The following CREB1 variants were observed in gnomAD, a reference collection of about 807,000 sequenced individuals.
CREB1 encodes cyclic AMP-responsive element-binding protein 1.
CREB1 carries 2 observed loss-of-function variants against 42.0 expected under a neutral mutation model. That is an observed-to-expected ratio of 0.05 (90% confidence interval 0.02 to 0.15). The LOEUF is 0.15. Ranked by LOEUF, CREB1 falls within the 10% of genes least tolerant of loss-of-function variation. The probability of loss-of-function intolerance (pLI) is 1.00; values close to 1 mark genes in which losing one functional copy is unlikely to be tolerated. For missense variants in CREB1, 199 were observed against 388.9 expected (o/e 0.51, Z 4.11); for synonymous variants, 123 against 139.9 (o/e 0.88, Z 0.85).
chr2:207,575,721 G>A (rs2082545239), intron 6 of CREB1, among the ~76,000 whole-genome samples: 1 of 152,076 alleles, frequency 6.6e-6, no homozygotes, highest in African/African-American at 2.4e-5. Context: ...AGGTTAGAAG[G>A]AAAGACCAGG....
rs549641664 is a variant in CREB1, at chr2:207,545,569, A to G, written c.-8-10059A>G. Among the ~76,000 whole-genome samples, 13 of 152,200 alleles carry G rather than the reference A, an allele frequency of 8.5e-5. No individual in the cohort carries two copies. In the East Asian group the frequency reaches 2.3e-3, roughly 27 times the overall value. On this transcript the variant is annotated intron_variant, in intron 1 of 7. Transcript: ENST00000353267. Reference sequence around the variant, plus strand: ...AGTCCCATAGTATGGGACTACTACTATGTAGTAATTTTCAGTTCTGCTGAA... The same window carrying G: ...AGTCCCATAGTATGGGACTACTACTGTGTAGTAATTTTCAGTTCTGCTGAA...
intron 7 of CREB1, among the ~76,000 whole-genome samples, chr2:207,580,429 T>A (rs2551925): frequency 0.97 from 147,235 of 152,238 alleles, 71,404 homozygotes; most frequent in East Asian, 1. Flanking sequence ...AAAATAAGAG[T>A]TTTAAAAGAA....
chr2:207,540,889 T>C (rs2081075298), intron 1 of CREB1, among the ~76,000 whole-genome samples: 1 of 152,160 alleles, frequency 6.6e-6, no homozygotes, highest in Non-Finnish European at 1.5e-5. Flanking sequence ...CTACGGTTAA[T>C]GTATTACTGA....
chr2:207,530,869 C>G (rs1464681301), intron 1 of CREB1, among the ~76,000 whole-genome samples: 1 of 151,236 alleles, frequency 6.6e-6, no homozygotes, highest in Non-Finnish European at 1.5e-5. Flanking sequence ...CCCCCCCGCT[C>G]CTACACCGTT....
Position 207,567,595 on chromosome 2 carries a change from T to G in CREB1, c.362+32T>G, listed in dbSNP as rs1424345022. 3 of 1,496,062 alleles carry G rather than the reference T, an allele frequency of 2.0e-6. No individual in the cohort carries two copies. In the African/African-American group the frequency reaches 4.1e-5, roughly 21 times the overall value. The allele number at this position is 1,496,062 out of a possible 1,614,324, so 92.7% of individuals were successfully genotyped here. A position where few individuals can be genotyped will look rare whatever the true frequency, so the allele number is the denominator to read the frequency against. ...AATTTAATAGTTAGAATCAAAGATG[T>G]GGAGGAAGTCTTAGGTAGTTGCAGA... is the stretch of plus-strand genomic sequence containing the variant. On this transcript the variant is annotated intron_variant, in intron 4 of 7. Transcript: ENST00000353267.
rs1040408677 is a variant in CREB1, at chr2:207,602,440, T to C, written c.*5382T>C. 7 of 199,814 alleles carry C rather than the reference T, an allele frequency of 3.5e-5. 1 individual carries two copies. Among genetic ancestry groups the C allele is most frequent in the African/African-American group, 1.6e-4 (7 of 43,418 alleles). 12.4% of individuals were successfully genotyped at this position (199,814 alleles called of 1,614,324 possible). On this transcript the variant is annotated 3_prime_UTR_variant, in exon 8 of 8. Transcript: ENST00000353267. ...GAAAATGAACAATCTTTTGGAATTG[T>C]CTTTGAAAAGGATCAAAGAGTAGGA...
intron 1 of CREB1, among the ~76,000 whole-genome samples, chr2:207,539,480 A>G (rs1337173110): frequency 6.6e-6 from 1 of 152,120 alleles, no homozygotes; most frequent in Admixed American, 6.5e-5. Flanking sequence ...AGATTTATTG[A>G]CCATTGACTT....
chr2:207,535,964 G>C (rs533088807), intron 1 of CREB1, among the ~76,000 whole-genome samples: 1 of 151,870 alleles, frequency 6.6e-6, no homozygotes, highest in African/African-American at 2.4e-5. Context: ...GGGACAACAG[G>C]CGCGCACCAC....
At chr2:207,553,699 T>C (rs2081606114) in intron 1 of CREB1, among the ~76,000 whole-genome samples, 1 of 152,254 alleles carries the variant, frequency 6.6e-6, no homozygotes, top group Non-Finnish European at 1.5e-5. Flanking sequence ...TATTAAAATT[T>C]GTTTTAATTA....
chr2:207,542,255 T>A (rs1424812835), intron 1 of CREB1, among the ~76,000 whole-genome samples: 1 of 152,188 alleles, frequency 6.6e-6, no homozygotes, highest in African/African-American at 2.4e-5. Context: ...CCACCAGCAG[T>A]GTATTAGGGT....
chr2:207,583,122 T>TTG (rs1315881805), intron 7 of CREB1, among the ~76,000 whole-genome samples: 1 of 152,064 alleles, frequency 6.6e-6, no homozygotes, highest in Non-Finnish European at 1.5e-5. Flanking sequence ...GTATTAAATA[T>TTG]TATAAGTAAT....
intron 3 of CREB1, among the ~76,000 whole-genome samples, chr2:207,562,818 AG>A (rs1464260607): frequency 6.6e-6 from 1 of 152,196 alleles, no homozygotes; most frequent in Non-Finnish European, 1.5e-5. Context: ...AAAATATACA[AG>A]GTACAGTTCT....
At chr2:207,593,548 C>A (rs2085490288) in intron 7 of CREB1, among the ~76,000 whole-genome samples, 1 of 151,934 alleles carries the variant, frequency 6.6e-6, no homozygotes, top group African/African-American at 2.4e-5. Context: ...AAAATAGAAG[C>A]AAATGCTACT....
rs2087182940 is a variant in CREB1, at chr2:207,602,219, A to AT, written c.*5167dup. The AT allele has an allele frequency of 5.4e-6, 1 of 186,058 alleles. No individual in the cohort carries two copies. The highest frequency in any genetic ancestry group is 8.6e-5 in the East Asian group (1 of 11,630). 11.5% of individuals were successfully genotyped at this position (186,058 alleles called of 1,614,324 possible). A position where few individuals can be genotyped will look rare whatever the true frequency, so the allele number is the denominator to read the frequency against. On this transcript the variant is annotated 3_prime_UTR_variant, in exon 8 of 8. Transcript: ENST00000353267. ...TTTCAGGTGTTTTAGCTTGAAATTT[A>AT]TTTTTTAAAAAAAGAAAAATTTAAA...
chr2:207,590,100 T>TC (rs1479072370), intron 7 of CREB1, among the ~76,000 whole-genome samples: 2 of 140,844 alleles, frequency 1.4e-5, no homozygotes, highest in Non-Finnish European at 3.2e-5. Context: ...TTTTTTTTTT[T>TC]TTTTTTTAAT....
intron 1 of CREB1, among the ~76,000 whole-genome samples, chr2:207,540,883 G>A (rs1046853851): frequency 9.9e-5 from 15 of 152,012 alleles, no homozygotes; most frequent in African/African-American, 3.4e-4. Context: ...AGTAAGCTAC[G>A]GTTAATGTAT....
Position 207,567,451 on chromosome 2 carries a change from C to A in CREB1, c.262-12C>A. ...ATTTGATTATCAATATGAAGTTTTT[C>A]TTTAATTTCAGATTTCAACTATTGC... is the stretch of plus-strand genomic sequence containing the variant. On this transcript the variant is annotated splice_polypyrimidine_tract_variant and intron_variant, in intron 3 of 7. Coordinates refer to ENST00000353267, the MANE Select transcript of CREB1 (RefSeq NM_004379.5). The A allele has an allele frequency of 1.3e-6, 2 of 1,583,316 alleles. No individual in the cohort carries two copies. Among genetic ancestry groups the A allele is most frequent in the Non-Finnish European group, 1.7e-6 (2 of 1,158,046 alleles).
chr2:207,596,856 C>CCT, intron 7 of CREB1, 58 bp from the exon 8 acceptor site: 1 of 1,565,722 alleles, frequency 6.4e-7, no homozygotes, highest in Non-Finnish European at 8.6e-7. Flanking sequence ...AAAAGGTAAT[C>CCT]CAAAATAAAT....
At chr2:207,565,192 C>T (rs1470486852) in intron 3 of CREB1, among the ~76,000 whole-genome samples, 1 of 152,024 alleles carries the variant, frequency 6.6e-6, no homozygotes, top group Non-Finnish European at 1.5e-5. Flanking sequence ...AATTTGATGA[C>T]CCTACATTAA....
Sources: allele counts gnomAD v4.1 joint callset (sites outside exome capture counted in the v4.1 genomes callset), GRCh38; gene constraint gnomAD v4.1.1; transcripts MANE v1.5; gene names NCBI Gene and HGNC (gene_info 2026-07-23, HGNC 2026-07-21).